The following CLDN10 variants were observed in gnomAD, a reference collection of about 807,000 sequenced individuals.
The protein encoded by CLDN10 is claudin 10, also known as claudin-10.
CLDN10 carries 15 observed loss-of-function variants against 22.9 expected under a neutral mutation model. The ratio of observed to expected loss-of-function variants is 0.65; its 90% CI spans 0.44 to 1.01. The LOEUF (loss-of-function observed/expected upper bound fraction) is 1.01, where lower values mean the gene tolerates loss of function less well. CLDN10 is among the 50% of genes least tolerant of loss of function. The pLI, the probability that CLDN10 is intolerant of heterozygous loss-of-function variation, is 0.00. For missense variants in CLDN10, 247 were observed against 287.8 expected, an observed-to-expected ratio of 0.86 and a Z score of 1.03; for synonymous variants, 114 against 111.4, an observed-to-expected ratio of 1.02 and a Z score of -0.15.
intron 1 of CLDN10, among the ~76,000 whole-genome samples, chr13:95,554,220 T>C (rs1353558538): frequency 6.6e-6 from 1 of 152,152 alleles, no homozygotes; most frequent in African/African-American, 2.4e-5. Context: ...TACCGTTGAA[T>C]TTCCTGTGGT....
chr13:95,529,384 ATT>A (rs35057358), intron 1 of CLDN10, among the ~76,000 whole-genome samples: 1 of 151,670 alleles, frequency 6.6e-6, no homozygotes, highest in Non-Finnish European at 1.5e-5. Context: ...GAATAAACAC[ATT>A]TTTTTTCAAA....
At chr13:95,475,289 C>T (rs2042675151) in intron 1 of CLDN10, among the ~76,000 whole-genome samples, 1 of 152,152 alleles carries the variant, frequency 6.6e-6, no homozygotes, top group Admixed American at 6.5e-5. Context: ...ATGGAAGCTC[C>T]CTGGTTGGGA....
intron 1 of CLDN10, among the ~76,000 whole-genome samples, chr13:95,461,347 A>T (rs1253097973): frequency 6.6e-6 from 1 of 152,120 alleles, no homozygotes; most frequent in African/African-American, 2.4e-5. Flanking sequence ...TTTGATTTCT[A>T]TCCCTCATAA....
chr13:95,521,240 T>C (rs80042854), intron 1 of CLDN10, among the ~76,000 whole-genome samples: 15,153 of 152,242 alleles, frequency 0.1, 927 homozygotes, highest in Non-Finnish European at 0.12. Context: ...GACAATAGTA[T>C]GCATCCTTGT....
chr13:95,471,010 G>A (rs1470051224), intron 1 of CLDN10, among the ~76,000 whole-genome samples: 1 of 152,142 alleles, frequency 6.6e-6, no homozygotes, highest in Non-Finnish European at 1.5e-5. Context: ...GCTAGAGGGG[G>A]AAAGGAGACG....
intron 1 of CLDN10, among the ~76,000 whole-genome samples, chr13:95,451,264 C>T (rs1233212214): frequency 1.3e-5 from 2 of 152,212 alleles, no homozygotes; most frequent in African/African-American, 2.4e-5. Context: ...TAACTTCTCC[C>T]TTCTCTGTGC....
chr13:95,499,028 A>T (rs780225083), intron 1 of CLDN10, among the ~76,000 whole-genome samples: 1 of 152,186 alleles, frequency 6.6e-6, no homozygotes, highest in Non-Finnish European at 1.5e-5. Context: ...TTCAATTTTC[A>T]TCCATGTTGT....
At chr13:95,478,570 C>T (rs2042707743) in intron 1 of CLDN10, among the ~76,000 whole-genome samples, 1 of 152,084 alleles carries the variant, frequency 6.6e-6, no homozygotes, top group African/African-American at 2.4e-5. Context: ...CAGGTCTGCC[C>T]GGTGGGTGGG....
chr13:95,551,468 CT>C (rs2043566013), upstream of CLDN10, among the ~76,000 whole-genome samples: 1 of 152,070 alleles, frequency 6.6e-6, no homozygotes, highest in Non-Finnish European at 1.5e-5. Flanking sequence ...CTATGTCCAG[CT>C]TCCTCTCTTC....
At chr13:95,447,839 G>A (rs553236939) in intron 1 of CLDN10, among the ~76,000 whole-genome samples, 1 of 152,088 alleles carries the variant, frequency 6.6e-6, no homozygotes, top group African/African-American at 2.4e-5. Flanking sequence ...CCAGCTTCAA[G>A]TCTGGGGTGT....
intron 1 of CLDN10, among the ~76,000 whole-genome samples, chr13:95,482,269 C>T (rs1350264977): frequency 6.6e-6 from 1 of 152,058 alleles, no homozygotes; most frequent in Non-Finnish European, 1.5e-5. Context: ...ATGTAAAAAA[C>T]ATTTTTTACA....
At chr13:95,537,251 G>T (rs1428911869) in intron 1 of CLDN10, among the ~76,000 whole-genome samples, 1 of 152,170 alleles carries the variant, frequency 6.6e-6, no homozygotes, top group African/African-American at 2.4e-5. Flanking sequence ...TTCAGACTTT[G>T]TGTGGGGTTG....
At position 95,578,942 on chromosome 13, in the gene CLDN10, T is replaced by G. The variant is rs754647383; in HGVS notation, c.*928T>G. On this transcript the variant is annotated 3_prime_UTR_variant, in exon 5 of 5. Transcript: ENST00000299339. ...GGGCTGAGGCGTCCCTGGCACGGAA[T>G]GCAGAGCCCTGAGCTAGGGCATCAG... 1 of 152,226 alleles carries G rather than the reference T, an allele frequency of 6.6e-6. No homozygotes were observed. The highest frequency in any genetic ancestry group is 1.5e-5 in the Non-Finnish European group (1 of 68,070). The allele number at this position is 152,226 out of a possible 1,614,324, so 9.4% of individuals were successfully genotyped here.
intron 1 of CLDN10, among the ~76,000 whole-genome samples, chr13:95,490,127 AGTATAGTTT>A (rs1277601656): frequency 6.6e-6 from 1 of 152,134 alleles, no homozygotes; most frequent in Admixed American, 6.6e-5. Flanking sequence ...ATGGCTTTAT[AGTATAGTTT>A]GAAATCAGGT....
intron 1 of CLDN10, among the ~76,000 whole-genome samples, chr13:95,502,545 A>G (rs187215763): frequency 6.6e-6 from 1 of 152,128 alleles, no homozygotes; most frequent in African/African-American, 2.4e-5. Context: ...TTTGAGACAG[A>G]GTCCCACTCT....
intron 1 of CLDN10, among the ~76,000 whole-genome samples, chr13:95,499,499 G>A (rs1026408430): frequency 1.3e-5 from 2 of 152,136 alleles, no homozygotes; most frequent in Admixed American, 6.6e-5. Context: ...CCGAGATCAC[G>A]CCACTGCACT....
At chr13:95,493,060 C>T (rs1202101119) in intron 1 of CLDN10, among the ~76,000 whole-genome samples, 1 of 152,166 alleles carries the variant, frequency 6.6e-6, no homozygotes, top group African/African-American at 2.4e-5. Flanking sequence ...CCGCTTCCTT[C>T]AGAGGGTCTG....
chr13:95,478,183 C>CCA (rs2042704068), intron 1 of CLDN10, among the ~76,000 whole-genome samples: 2 of 152,164 alleles, frequency 1.3e-5, no homozygotes, highest in African/African-American at 4.8e-5. Context: ...TGGTGCATGC[C>CCA]TGTAGTCCCA....
chr13:95,544,391 G>A (rs1186603841), intron 1 of CLDN10, among the ~76,000 whole-genome samples: 1 of 152,162 alleles, frequency 6.6e-6, no homozygotes. Context: ...ATTGTACGGT[G>A]GGAGGCAGCT....
Sources: allele counts gnomAD v4.1 joint callset (sites outside exome capture counted in the v4.1 genomes callset), GRCh38; gene constraint gnomAD v4.1.1; transcripts MANE v1.5; gene names NCBI Gene and HGNC (gene_info 2026-07-23, HGNC 2026-07-21).